DUSP11: variants seen among roughly 807,000 people sequenced by gnomAD.
DUSP11 encodes the protein RNA/RNP complex-1-interacting phosphatase.
Under a neutral mutation model 41.4 loss-of-function variants are expected in DUSP11, and 27 were observed. The observed-to-expected ratio is 0.65, with a 90% CI of 0.48 to 0.90. The LOEUF is 0.90. DUSP11 is among the 40% of genes least tolerant of loss of function. The pLI is 0.00. For missense variants in DUSP11, 465 were observed against 461.1 expected (o/e 1.01, Z -0.08); for synonymous variants, 188 against 159.3 (o/e 1.18, Z -1.35).
intron 5 of DUSP11, 181 bp downstream of exon 5, chr2:73,769,084 A>C (rs1437847451): frequency 3.7e-6 from 2 of 541,748 alleles, no homozygotes; most frequent in Non-Finnish European, 6.5e-6. Flanking sequence ...TTGTATCTGC[A>C]TTTTTAGAGT....
intron 4 of DUSP11, among the ~76,000 whole-genome samples, chr2:73,770,038 G>A (rs985264026): frequency 1.3e-5 from 2 of 152,144 alleles, no homozygotes; most frequent in African/African-American, 4.8e-5. Context: ...GTAGTGTCTG[G>A]TAAAGAAGGC....
chr2:73,765,962 C>T (rs1202905315), intron 8 of DUSP11, among the ~76,000 whole-genome samples: 1 of 152,132 alleles, frequency 6.6e-6, no homozygotes, highest in East Asian at 1.9e-4. Context: ...TTTTCCAGTG[C>T]TAAATGCAAA....
intron 8 of DUSP11, among the ~76,000 whole-genome samples, chr2:73,763,407 G>A (rs548284575): frequency 7.9e-5 from 12 of 152,332 alleles, no homozygotes; most frequent in Non-Finnish European, 1.5e-4. Context: ...AGCAAGACCA[G>A]AAAATCTCAT....
chr2:73,766,997 A>G, intron 6 of DUSP11, 94 bp from the exon 7 acceptor site: 1 of 1,258,776 alleles, frequency 7.9e-7, no homozygotes. Context: ...TCAAGCTGTT[A>G]TATCTCACTA....
At chr2:73,770,425 G>A (rs138362411) in intron 4 of DUSP11, among the ~76,000 whole-genome samples, 2,399 of 151,418 alleles carry the variant, frequency 0.016, 67 homozygotes, top group African/African-American at 0.056. Context: ...TGAGGCAGCA[G>A]AATTGCTTGA....
intron 6 of DUSP11, 49 bp downstream of exon 6, chr2:73,767,110 CCA>C (rs1672480353): frequency 8.6e-6 from 13 of 1,512,278 alleles, no homozygotes; most frequent in Non-Finnish European, 1.2e-5. Context: ...TTCTACATTT[CCA>C]CCTTTAACTT....
chr2:73,775,436 T>G (rs915698922), intron 2 of DUSP11, among the ~76,000 whole-genome samples: 1 of 148,814 alleles, frequency 6.7e-6, no homozygotes, highest in Admixed American at 6.8e-5. Flanking sequence ...TGGAGTGCAG[T>G]GACACAAACA....
intron 1 of DUSP11, 63 bp downstream of exon 1, chr2:73,779,811 A>G: frequency 6.3e-7 from 1 of 1,599,798 alleles, no homozygotes; most frequent in South Asian, 1.1e-5. Context: ...ACCACAAACG[A>G]TGAAGCCCAG....
At chr2:73,775,863 T>TAAA (rs1558535250) in intron 2 of DUSP11, among the ~76,000 whole-genome samples, 14 of 101,490 alleles carry the variant, frequency 1.4e-4, no homozygotes, top group South Asian at 6.5e-4. Context: ...AAAAAAAAAT[T>TAAA]TAAAAAAAAA....
intron 4 of DUSP11, among the ~76,000 whole-genome samples, chr2:73,769,576 C>CT (rs1672533912): frequency 2.0e-5 from 3 of 152,190 alleles, no homozygotes; most frequent in Non-Finnish European, 2.9e-5. Context: ...ACAAACCCGT[C>CT]TATCTTAAAA....
intron 1 of DUSP11, among the ~76,000 whole-genome samples, 171 bp from the exon 2 acceptor site, chr2:73,778,547 T>A (rs1672728156): frequency 6.6e-6 from 1 of 152,036 alleles, no homozygotes; most frequent in Non-Finnish European, 1.5e-5. Context: ...ACCTATACCG[T>A]CCTTCTCTCC....
exon 3 of DUSP11, chr2:73,774,940 T>A (rs151171263): frequency 3.0e-5 from 48 of 1,609,298 alleles, no homozygotes; most frequent in Non-Finnish European, 3.9e-5. Flanking sequence ...GTTGAGTATA[T>A]GTTAAATCAA....
chr2:73,766,987 T>A, intron 6 of DUSP11, 84 bp from the exon 7 acceptor site: 1 of 1,341,470 alleles, frequency 7.5e-7, no homozygotes, highest in East Asian at 2.3e-5. Context: ...AATTCACTAT[T>A]CAAGCTGTTA....
intron 8 of DUSP11, among the ~76,000 whole-genome samples, chr2:73,764,439 C>A (rs771064521): frequency 2.0e-5 from 3 of 152,008 alleles, no homozygotes; most frequent in Non-Finnish European, 4.4e-5. Context: ...CTAAAAATGG[C>A]AATGTATTTT....
chr2:73,773,711 G>A, intron 4 of DUSP11, 89 bp downstream of exon 4: 1 of 1,306,606 alleles, frequency 7.7e-7, no homozygotes, highest in Non-Finnish European at 1.1e-6. Flanking sequence ...AAATACAACA[G>A]GTCTGAGGTT....
chr2:73,774,961 A>G, exon 3 of DUSP11: 1 of 1,612,398 alleles, frequency 6.2e-7, no homozygotes, highest in Non-Finnish European at 8.5e-7. Flanking sequence ...TAATCAGTCC[A>G]AGTTCTTCAT....
At chr2:73,769,017 C>T in intron 5 of DUSP11, 1 of 342,176 alleles carries the variant, frequency 2.9e-6, no homozygotes, top group Non-Finnish European at 5.2e-6. Flanking sequence ...ATGTCTATCA[C>T]ATATTAAATT....
At chr2:73,762,719 C>A in exon 9 of DUSP11, 4 of 1,613,632 alleles carry the variant, frequency 2.5e-6, no homozygotes, top group Non-Finnish European at 3.4e-6. Context: ...ATAAGGATAC[C>A]ACCTTCTTCT....
rs553462195 is a variant in DUSP11, at chr2:73,769,824, A to G, written c.575-499T>C. Among the ~76,000 whole-genome samples the G allele has an allele frequency of 1.1e-3, 160 of 152,360 alleles. 1 individual carries two copies. The highest frequency in any genetic ancestry group is 3.7e-3 in the African/African-American group (153 of 41,588). ...ACCTGCCCTGTGAAGTACTCAGGTA[A>G]ATAGCACTATTCACATTTTACAATG... On this transcript the variant is annotated intron_variant, in intron 4 of 8. Coordinates refer to ENST00000272444, the Ensembl canonical transcript of DUSP11.
Sources: allele counts gnomAD v4.1 joint callset (sites outside exome capture counted in the v4.1 genomes callset), GRCh38; gene constraint gnomAD v4.1.1; transcripts MANE v1.5; gene names NCBI Gene and HGNC (gene_info 2026-07-23, HGNC 2026-07-21).